FBXL12: variants seen among roughly 807,000 people sequenced by gnomAD.
FBXL12 encodes the protein F-box/LRR-repeat protein 12.
In FBXL12, 22 loss-of-function variants were observed where a neutral mutation model predicts 24.9. The ratio of observed to expected loss-of-function variants is 0.88; its 90% CI spans 0.63 to 1.26. The LOEUF is 1.26. Among genes scored for constraint, FBXL12 ranks in the 50% most tolerant of loss-of-function variants. The pLI is 0.00. For missense variants in FBXL12, 384 were observed against 434.1 expected (o/e 0.88, Z 1.03); for synonymous variants, 193 against 193.8 (o/e 1.00, Z 0.03).
rs771233398 is a variant in FBXL12 at position 9,811,753 on chromosome 19, G to A, written c.160-36C>T. 6.7e-7 allele frequency: 1 copy of A among 1,485,002 alleles called. No individual in the cohort carries two copies. Among genetic ancestry groups the A allele is most frequent in the South Asian group, 1.4e-5 (1 of 70,022 alleles). The allele number at this position is 1,485,002 out of a possible 1,614,324, so 92.0% of individuals were successfully genotyped here. A position where few individuals can be genotyped will look rare whatever the true frequency, so the allele number is the denominator to read the frequency against. ...CAGAGATTGGGGTGACAGAGTGAGAGGTATGGAGCTTCCAAGGCCCCTGCT... is the reference window on the plus strand; with the variant it reads ...CAGAGATTGGGGTGACAGAGTGAGAAGTATGGAGCTTCCAAGGCCCCTGCT... On this transcript the variant is annotated intron_variant, in intron 2 of 2. Coordinates refer to ENST00000247977, the MANE Select transcript of FBXL12 (RefSeq NM_017703.3). The surrounding 1 kb of genome is among the most constrained non-coding windows in gnomAD (Gnocchi z 6.0).
Position 9,811,035 on chromosome 19 carries a change from A to T in FBXL12, c.842T>A (p.Met281Lys), listed in dbSNP as rs1599419629. ...PTEILSSCLT[M>K]PKLRVLELQG... Reference sequence around the variant, plus strand: ...CAGCTCAAGGACTCTGAGCTTGGGCATAGTGAGGCAGGAGGAGAGGATTTC... The same window carrying T: ...CAGCTCAAGGACTCTGAGCTTGGGCTTAGTGAGGCAGGAGGAGAGGATTTC... Residue 281 changes from methionine to lysine, a missense_variant, in exon 3 of 3, where the codon ATG becomes AAG. Met to Lys is a moderately conservative substitution (Grantham distance 95, BLOSUM62 -1). Coordinates refer to ENST00000247977, the MANE Select transcript of FBXL12 (RefSeq NM_017703.3). The surrounding 1 kb of genome is among the most constrained non-coding windows in gnomAD (Gnocchi z 6.0). The T allele has an allele frequency of 6.7e-7, 1 of 1,500,310 alleles. No individual in the cohort carries two copies. The highest frequency in any genetic ancestry group is 2.8e-5 in the East Asian group (1 of 35,144). The allele number at this position is 1,500,310 out of a possible 1,614,324, so 92.9% of individuals were successfully genotyped here. A position where few individuals can be genotyped will look rare whatever the true frequency, so the allele number is the denominator to read the frequency against.
intron 2 of FBXL12, among the ~76,000 whole-genome samples, chr19:9,813,808 T>G (rs535393126): frequency 7.4e-5 from 11 of 149,640 alleles, no homozygotes; most frequent in South Asian, 6.4e-4. Flanking sequence ...TGGCCTTAAT[T>G]TTGTATTTTT....
chr19:9,817,445 G>A (rs1282286518), intron 2 of FBXL12, among the ~76,000 whole-genome samples: 1 of 152,222 alleles, frequency 6.6e-6, no homozygotes, highest in African/African-American at 2.4e-5. Context: ...AAGGGTAGCA[G>A]TTAAAGTTGG....
At chr19:9,814,880 C>A (rs759526099) in intron 2 of FBXL12, among the ~76,000 whole-genome samples, 2 of 152,028 alleles carry the variant, frequency 1.3e-5, no homozygotes, top group Admixed American at 6.6e-5. Flanking sequence ...CTGGGAAATA[C>A]AATTCAAGTT....
Position 9,818,609 on chromosome 19 carries a change from T to C in FBXL12, c.95A>G (p.His32Arg), listed in dbSNP as rs1465437117. The change falls in exon 2 of 3, where the codon CAC (histidine) becomes CGC (arginine). Residue 32 changes from histidine to arginine, a missense_variant. His to Arg is a conservative substitution (Grantham distance 29, BLOSUM62 0). Transcript: ENST00000247977. ...GTCGTCCACCAGCCTCTTCCAGCGG[T>C]GACAGACCCTGGGGGAGGGGACGCG... ...RDRIRISRVC[H>R]RWKRLVDDRW... 6.4e-6 allele frequency: 10 copies of C among 1,554,596 alleles called. No homozygotes were observed. In the Admixed American group the frequency reaches 1.9e-4, roughly 30 times the overall value.
chr19:9,815,570 C>A (rs2045862872), intron 2 of FBXL12, among the ~76,000 whole-genome samples: 1 of 152,206 alleles, frequency 6.6e-6, no homozygotes, highest in South Asian at 2.1e-4. Flanking sequence ...CATGAGGGCC[C>A]CACCCCTGTA....
rs114102499 is a variant in FBXL12, at chr19:9,817,204, G to A, written c.159+1341C>T. 4.4e-3 allele frequency among the ~76,000 whole-genome samples: 666 copies of A among 152,330 alleles called. 4 individuals are homozygous for A. Among genetic ancestry groups the A allele is most frequent in the African/African-American group, 0.015 (635 of 41,572 alleles). On this transcript the variant is annotated intron_variant, in intron 2 of 2. Coordinates refer to ENST00000247977, the MANE Select transcript of FBXL12 (RefSeq NM_017703.3). ...GAATCTTCTCAGGCGGCTGAGGCAG[G>A]AAGATGGCTTGAGCCCAGGAGATGG... is the stretch of plus-strand genomic sequence containing the variant.
rs755288050 is a variant in FBXL12 at position 9,811,169 on chromosome 19, G to C, written c.708C>G (p.Thr236=). 6.2e-7 allele frequency: 1 copy of C among 1,608,262 alleles called. No individual in the cohort carries two copies. Among genetic ancestry groups the C allele is most frequent in the South Asian group, 1.1e-5 (1 of 90,950 alleles). ...GGCCAGGGGCAGAGAGGCCCCTCACGGTCAGCCGGATCTTGCGCACATCTC... is the reference window on the plus strand; with the variant it reads ...GGCCAGGGGCAGAGAGGCCCCTCACCGTCAGCCGGATCTTGCGCACATCTC... ...HLRDVRKIRL[T]VRGLSAPGLA... Residue 236 remains threonine (T), a synonymous_variant, in exon 3 of 3, where the codon ACC becomes ACG. Transcript: ENST00000247977. This position sits in a 1 kb window ranked among gnomAD's most constrained non-coding sequence, Gnocchi z 6.0.
Position 9,811,148 on chromosome 19 carries a change from AG to A in FBXL12, c.728del (p.Pro243LeufsTer113). 6.2e-7 allele frequency: 1 copy of A among 1,606,162 alleles called. No individual in the cohort carries two copies. Among genetic ancestry groups the A allele is most frequent in the African/African-American group, 1.3e-5 (1 of 74,852 alleles). On this transcript the variant is annotated frameshift_variant, in exon 3 of 3. Transcript: ENST00000247977. LOFTEE classifies it high-confidence loss of function. The surrounding 1 kb of genome is among the most constrained non-coding windows in gnomAD (Gnocchi z 6.0). Reference protein sequence around the residue: ...IRLTVRGLSAPGLAVLEGMPA... With the variant: ...IRLTVRGLSAXGLAVLEGMPA... ...GCATTCCCTCCAGCACAGCCAGGCC[AG>A]GGGCAGAGAGGCCCCTCACGGTCAG...
chr19:9,810,955 G>A lies in FBXL12; in HGVS notation c.922C>T (p.Pro308Ser), dbSNP rs369003136. The change falls in exon 3 of 3, where the codon CCC becomes TCC. Residue 308 changes from proline (P) to serine (S), a missense_variant. By Grantham distance (74) the Pro-to-Ser change is moderately conservative (BLOSUM62 -1). Coordinates refer to ENST00000247977, the MANE Select transcript of FBXL12 (RefSeq NM_017703.3). The part of the protein sequence containing the change: ...EAEKILCKGL[P>S]HCMVIVRACP... ...GCCCTGACGATGACCATACAGTGGG[G>A]CAGCCCCTTACACAGGATCTTCTCC... The A allele has an allele frequency of 6.2e-7, 1 of 1,610,796 alleles. No homozygotes were observed. Among genetic ancestry groups the A allele is most frequent in the Non-Finnish European group, 8.5e-7 (1 of 1,177,644 alleles).
chr19:9,813,248 G>A (rs2045800349), intron 2 of FBXL12: 1 of 1,231,238 alleles, frequency 8.1e-7, no homozygotes, highest in Admixed American at 4.2e-5. Flanking sequence ...TTTTATTGCT[G>A]GATTTCTCTA....
At chr19:9,816,609 C>G (rs1197039306) in intron 2 of FBXL12, among the ~76,000 whole-genome samples, 1 of 152,168 alleles carries the variant, frequency 6.6e-6, no homozygotes, top group Non-Finnish European at 1.5e-5. Flanking sequence ...ATTGATCATA[C>G]CACTATCAGC....
chr19:9,813,213 A>G, intron 2 of FBXL12: 1 of 1,228,434 alleles, frequency 8.1e-7, no homozygotes, highest in Non-Finnish European at 1.0e-6. Flanking sequence ...CTTAAAAAGA[A>G]AAAGTTAGCA....
intron 2 of FBXL12, among the ~76,000 whole-genome samples, chr19:9,815,384 G>A (rs1568346686): frequency 6.6e-6 from 1 of 152,228 alleles, no homozygotes; most frequent in Non-Finnish European, 1.5e-5. Context: ...GGCTGGTGTT[G>A]AGTGTCTGAA....
At position 9,818,794 on chromosome 19, in the gene FBXL12, A is replaced by G; in HGVS notation, c.20T>C (p.Leu7Pro). MATLVELPDSVLLEIFS... is the reference protein window; with the variant it reads MATLVEPPDSVLLEIFS... ...GATCTCGAGCAGGACCGAGTCCGGCAGTTCGACCAAAGTCGCCATGATCCC... is the reference window on the plus strand; with the variant it reads ...GATCTCGAGCAGGACCGAGTCCGGCGGTTCGACCAAAGTCGCCATGATCCC... The change falls in exon 1 of 3, where the codon CTG (leucine) becomes CCG (proline). Residue 7 changes from leucine (L) to proline (P), a missense_variant. Coordinates refer to ENST00000247977, the MANE Select transcript of FBXL12 (RefSeq NM_017703.3). The G allele has an allele frequency of 6.4e-7, 1 of 1,553,900 alleles. No homozygotes were observed. The highest frequency in any genetic ancestry group is 8.7e-7 in the Non-Finnish European group (1 of 1,147,082).
At position 9,818,814 on chromosome 19, in the gene FBXL12, G is replaced by A; in HGVS notation, c.-1C>T. On this transcript the variant is annotated 5_prime_UTR_variant, in exon 1 of 3. Coordinates refer to ENST00000247977, the MANE Select transcript of FBXL12 (RefSeq NM_017703.3). ...CCGGCAGTTCGACCAAAGTCGCCAT[G>A]ATCCCGCCGACACGCACTTCCGCTT... is the stretch of plus-strand genomic sequence containing the variant. 1 of 1,550,064 alleles carries A rather than the reference G, an allele frequency of 6.5e-7. No homozygotes were observed.
chr19:9,818,128 C>A, intron 2 of FBXL12: 1 of 398,194 alleles, frequency 2.5e-6, no homozygotes, highest in Non-Finnish European at 4.4e-6. Context: ...GAGAGGATCG[C>A]TTGAGCTTGG....
chr19:9,818,738 G>A lies in FBXL12; in HGVS notation c.76C>T (p.Arg26Cys), dbSNP rs754944045. The A allele has an allele frequency of 9.7e-6, 15 of 1,547,566 alleles. No individual in the cohort carries two copies. The highest frequency in any genetic ancestry group is 1.3e-5 in the Non-Finnish European group (15 of 1,143,034). Residue 26 changes from arginine to cysteine, a missense_variant, in exon 1 of 3, where the codon CGC becomes TGC. Transcript: ENST00000247977. The part of the protein sequence containing the change: ...FSYLPVRDRI[R>C]ISRVCHRWKR... Reference sequence around the variant, plus strand: ...GAGGCGGGGCCGCACCTGGAGATGCGGATCCGGTCCCGTACCGGGAGGTAA... The same window carrying A: ...GAGGCGGGGCCGCACCTGGAGATGCAGATCCGGTCCCGTACCGGGAGGTAA...
intron 2 of FBXL12, chr19:9,813,222 C>A: frequency 3.3e-6 from 4 of 1,230,184 alleles, no homozygotes; most frequent in Non-Finnish European, 4.1e-6. Context: ...AAAAAGTTAG[C>A]ATGCTTACAT....
Sources: gnomAD v4.1 joint callset for allele counts (sites outside exome capture counted in the v4.1 genomes callset) on GRCh38, gnomAD v4.1.1 for gene constraint, Gnocchi (gnomAD v3.1) non-coding constraint, MANE v1.5 for transcripts, NCBI Gene and HGNC (gene_info 2026-07-23, HGNC 2026-07-21) for gene names.